Variants in ZNF343 observed in about 807,000 individuals in gnomAD.
The protein encoded by ZNF343 is zinc finger protein 343.
ZNF343 carries 11 observed loss-of-function variants against 13.8 expected under a neutral mutation model. The ratio of observed to expected loss-of-function variants is 0.80; its 90% CI spans 0.50 to 1.32. The LOEUF (loss-of-function observed/expected upper bound fraction) is 1.32, where lower values mean the gene tolerates loss of function less well. Among genes scored for constraint, ZNF343 ranks in the 40% most tolerant of loss-of-function variants. The probability of loss-of-function intolerance (pLI) is 0.00; values close to 1 mark genes in which losing one functional copy is unlikely to be tolerated. For missense variants in ZNF343, 658 were observed against 714.2 expected (o/e 0.92, Z 0.90); for synonymous variants, 248 against 260.0 (o/e 0.95, Z 0.44).
At chr20:2,511,443 C>G (rs1265316531), upstream of ZNF343, among the ~76,000 whole-genome samples, 1 of 152,100 alleles carries the variant, frequency 6.6e-6, no homozygotes, top group African/African-American at 2.4e-5. Context: ...TCAAAGAAAC[C>G]ATAAACATCA....
In ZNF343 at chr20:2,484,620, CA is replaced by C. The variant is rs1458631205; in HGVS notation, c.340del (p.Cys114AlafsTer48). On this transcript the variant is annotated frameshift_variant, in exon 6 of 6. Coordinates refer to ENST00000278772, the MANE Select transcript of ZNF343 (RefSeq NM_024325.6). LOFTEE classifies it low-confidence loss of function (END_TRUNC). ...PKPEIYTCSS[C>X]LLAFSCQQFL... Reference sequence around the variant, plus strand: ...CTGCTGACAGGAGAAGGCCAGAAGGCAGGAGGAACAAGTGTAGATTTCTGGC... The same window carrying C: ...CTGCTGACAGGAGAAGGCCAGAAGGCGGAGGAACAAGTGTAGATTTCTGGC... The C allele has an allele frequency of 1.2e-6, 2 of 1,608,214 alleles. No homozygotes were observed. The highest frequency in any genetic ancestry group is 1.7e-6 in the Non-Finnish European group (2 of 1,176,972).
intron 5 of ZNF343, 89 bp from the exon 6 acceptor site, chr20:2,484,745 C>T: frequency 8.4e-7 from 1 of 1,187,776 alleles, no homozygotes; most frequent in Non-Finnish European, 1.2e-6. Context: ...TGTTTTACTG[C>T]CATGCCTATA....
chr20:2,500,840 TG>T (rs1463099138), intron 1 of ZNF343, 98 bp from the exon 2 acceptor site: 1 of 152,176 alleles, frequency 6.6e-6, no homozygotes, highest in Non-Finnish European at 1.5e-5. Context: ...CGAGCCAAGA[TG>T]GCCGAATAGG....
In ZNF343 at chr20:2,482,990, C is replaced by T; in HGVS notation, c.*171G>A. ...CCCGTACTCTATACTCATAAGGCTCCTCTCCTGAACGTGTCCCTCCCATGC... is the reference window on the plus strand; with the variant it reads ...CCCGTACTCTATACTCATAAGGCTCTTCTCCTGAACGTGTCCCTCCCATGC... On this transcript the variant is annotated 3_prime_UTR_variant, in exon 6 of 6. Transcript: ENST00000278772. 1 of 766,672 alleles carries T rather than the reference C, an allele frequency of 1.3e-6. No individual in the cohort carries two copies. The highest frequency in any genetic ancestry group is 2.1e-6 in the Non-Finnish European group (1 of 487,230). The allele number at this position is 766,672 out of a possible 1,614,324, so 47.5% of individuals were successfully genotyped here.
At chr20:2,488,785 C>T (rs1291029083) in intron 5 of ZNF343, among the ~76,000 whole-genome samples, 1 of 152,168 alleles carries the variant, frequency 6.6e-6, no homozygotes, top group Non-Finnish European at 1.5e-5. Context: ...TGGCTCACAC[C>T]TGTAATCCCA....
chr20:2,521,931 T>C (rs2085784341), intron 1 of ZNF343, among the ~76,000 whole-genome samples: 1 of 152,214 alleles, frequency 6.6e-6, no homozygotes, highest in Non-Finnish European at 1.5e-5. Context: ...TTGAAACGAA[T>C]GCGTTTCTCA....
chr20:2,505,944 G>A (rs1221766163), intron 1 of ZNF343, among the ~76,000 whole-genome samples: 1 of 152,126 alleles, frequency 6.6e-6, no homozygotes, highest in African/African-American at 2.4e-5. Flanking sequence ...TGACAAACGG[G>A]ATCTAATTAA....
chr20:2,511,521 C>T (rs2085739254), upstream of ZNF343, among the ~76,000 whole-genome samples: 1 of 152,156 alleles, frequency 6.6e-6, no homozygotes, highest in South Asian at 2.1e-4. Context: ...CAGCATCCCT[C>T]TGTGCTCCAT....
In ZNF343 at chr20:2,518,307, G is replaced by A. The variant is rs530542658; in HGVS notation, c.-347+6148C>T. ...GTTAGAATTACAGGCGTGAGCCACC[G>A]CGCCCAGCCTCAAAGATTTATTTCT... On this transcript the variant is annotated intron_variant, in intron 1 of 6. Coordinates refer to the ZNF343 transcript ENST00000358413. The surrounding 1 kb of genome is among the most constrained non-coding windows in gnomAD (Gnocchi z 4.6). Among the ~76,000 whole-genome samples, 3 of 152,106 alleles carry A rather than the reference G, an allele frequency of 2.0e-5. No individual in the cohort carries two copies. The highest frequency in any genetic ancestry group is 4.4e-5 in the Non-Finnish European group (3 of 68,022).
chr20:2,515,262 T>TA (rs923451680), intron 1 of ZNF343, among the ~76,000 whole-genome samples: 13 of 151,924 alleles, frequency 8.6e-5, no homozygotes, highest in African/African-American at 3.2e-4. Context: ...CAGAGCTATT[T>TA]ATGATATTTG....
rs1179052569 is a variant in ZNF343, at chr20:2,484,150, A to C, written c.811T>G (p.Cys271Gly). The change falls in exon 6 of 6, where the codon TGC (cysteine) becomes GGC (glycine). Residue 271 changes from cysteine to glycine, a missense_variant. By Grantham distance (159) the Cys-to-Gly change is radical. Transcript: ENST00000278772. ...RTLLGKKPYICSDCGRSFKDR... is the reference protein window; with the variant it reads ...RTLLGKKPYIGSDCGRSFKDR... ...TTAAAGCTTCGCCCACAATCACTGC[A>C]AATGTAGGGCTTCTTCCCTAAGAGG... 1.2e-6 allele frequency: 2 copies of C among 1,614,110 alleles called. No homozygotes were observed. The highest frequency in any genetic ancestry group is 1.7e-6 in the Non-Finnish European group (2 of 1,180,042).
intron 1 of ZNF343, among the ~76,000 whole-genome samples, chr20:2,523,335 A>C (rs2122767798): frequency 6.6e-6 from 1 of 152,300 alleles, no homozygotes; most frequent in East Asian, 1.9e-4. Context: ...AATAACTATA[A>C]GTATAGTCAG....
chr20:2,494,304 GT>G (rs1237908669), intron 2 of ZNF343, among the ~76,000 whole-genome samples: 1 of 152,080 alleles, frequency 6.6e-6, no homozygotes, highest in Non-Finnish European at 1.5e-5. Context: ...CAAACTCTAT[GT>G]TTTGGATCAG....
intron 1 of ZNF343, among the ~76,000 whole-genome samples, chr20:2,502,241 A>C (rs1412118623): frequency 2.6e-5 from 4 of 152,228 alleles, no homozygotes; most frequent in African/African-American, 9.6e-5. Context: ...AATGAAATGA[A>C]GCAAGAAGAG....
chr20:2,492,510 T>C (rs572973882), intron 5 of ZNF343, among the ~76,000 whole-genome samples, 189 bp downstream of exon 5: 16 of 152,150 alleles, frequency 1.1e-4, no homozygotes, highest in Non-Finnish European at 2.4e-4. Flanking sequence ...TATTATAATA[T>C]CCCTGTATAT....
chr20:2,508,422 G>C lies in ZNF343; in HGVS notation c.-237+459C>G, dbSNP rs1380592334. Reference sequence around the variant, plus strand: ...AACTCGGTGATGCAGGACTCAAGACGCTCCCCAGCCAAAAACCACCCAGGG... The same window carrying C: ...AACTCGGTGATGCAGGACTCAAGACCCTCCCCAGCCAAAAACCACCCAGGG... On this transcript the variant is annotated intron_variant, in intron 1 of 5. Coordinates refer to ENST00000278772, the MANE Select transcript of ZNF343 (RefSeq NM_024325.6). The surrounding 1 kb of genome is among the most constrained non-coding windows in gnomAD (Gnocchi z 4.5). Among the ~76,000 whole-genome samples the C allele has an allele frequency of 6.6e-6, 1 of 151,922 alleles. No individual in the cohort carries two copies. The highest frequency in any genetic ancestry group is 2.4e-5 in the African/African-American group (1 of 41,350).
intron 5 of ZNF343, among the ~76,000 whole-genome samples, chr20:2,491,678 T>G (rs964386158): frequency 2.0e-5 from 3 of 152,210 alleles, no homozygotes; most frequent in Non-Finnish European, 4.4e-5. Context: ...TCAATGCTCA[T>G]CCGTTCACAT....
At chr20:2,517,675 ATT>A (rs11478530) in intron 1 of ZNF343, among the ~76,000 whole-genome samples, 12 of 145,630 alleles carry the variant, frequency 8.2e-5, no homozygotes, top group Admixed American at 1.4e-4. Context: ...CTAGTTATTA[ATT>A]TTTTTTTTTT....
Position 2,487,183 on chromosome 20 carries a change from T to G in ZNF343, c.305-2527A>C, listed in dbSNP as rs73573117. Among the ~76,000 whole-genome samples, 1,390 of 152,326 alleles carry G rather than the reference T, an allele frequency of 9.1e-3. 17 individuals carry two copies. Among genetic ancestry groups the G allele is most frequent in the African/African-American group, 0.032 (1,338 of 41,560 alleles). On this transcript the variant is annotated intron_variant, in intron 5 of 5. Coordinates refer to ENST00000278772, the MANE Select transcript of ZNF343 (RefSeq NM_024325.6). ...ATTTTGGAACACAGTTAGGTAAATT[T>G]GTTTCTCTTTGTATTCGATTGTAGG... is the stretch of plus-strand genomic sequence containing the variant.
Sources: gnomAD v4.1 joint callset for allele counts (sites outside exome capture counted in the v4.1 genomes callset) on GRCh38, gnomAD v4.1.1 for gene constraint, Gnocchi (gnomAD v3.1) non-coding constraint, MANE v1.5 for transcripts, NCBI Gene and HGNC (gene_info 2026-07-23, HGNC 2026-07-21) for gene names.